CLIC5: variants seen among roughly 807,000 people sequenced by gnomAD.
The protein encoded by CLIC5 is CLIC family member 5.
A neutral mutation model predicts 24.7 loss-of-function variants in CLIC5; 20 were observed. That is an observed-to-expected ratio of 0.81 (90% CI 0.57 to 1.18). CLIC5 has a LOEUF of 1.18. CLIC5 is among the 50% of genes most tolerant of loss of function. The pLI is 0.00. For synonymous variants in CLIC5, 159 were observed against 135.6 expected (o/e 1.17, Z -1.20); for missense variants, 341 against 326.1 (o/e 1.05, Z -0.35).
intron 1 of CLIC5, among the ~76,000 whole-genome samples, chr6:45,963,477 C>A (rs1764919117): frequency 6.6e-6 from 1 of 152,118 alleles, no homozygotes; most frequent in African/African-American, 2.4e-5. Context: ...CCTGTGGACC[C>A]CTTATTTTTC....
rs1466339398 is a variant in CLIC5, at chr6:45,900,843, C to T, written c.*2245G>A. The T allele has an allele frequency of 6.6e-6, 1 of 152,128 alleles. No individual in the cohort carries two copies. Among genetic ancestry groups the T allele is most frequent in the Non-Finnish European group, 1.5e-5 (1 of 68,020 alleles). The allele number at this position is 152,128 out of a possible 1,614,324, so 9.4% of individuals were successfully genotyped here. A position where few individuals can be genotyped will look rare whatever the true frequency, so the allele number is the denominator to read the frequency against. On this transcript the variant is annotated 3_prime_UTR_variant, in exon 6 of 6. Transcript: ENST00000339561. The stretch of plus-strand genomic sequence containing the variant: ...AAACAGCAATATTGATTTGGTTTGG[C>T]CTGTTTGTTTTTAAGGACTTTCCAG...
intron 5 of CLIC5, among the ~76,000 whole-genome samples, chr6:45,907,950 G>A (rs889469202): frequency 2.0e-5 from 3 of 152,086 alleles, no homozygotes; most frequent in Non-Finnish European, 4.4e-5. Flanking sequence ...ATGTTGAATA[G>A]GAGCGGTGAG....
chr6:45,881,538 C>A (rs922560506), intron 6 of CLIC5, among the ~76,000 whole-genome samples: 3 of 152,120 alleles, frequency 2.0e-5, no homozygotes, highest in Admixed American at 6.5e-5. Context: ...GGTTCTGTAC[C>A]AATAGAAGGC....
chr6:45,900,323 T>C lies in CLIC5; in HGVS notation c.*2765A>G, dbSNP rs924688633. ...GCCACCAAAATGCTTTCTGAGCGAT[T>C]TGTATTCATTCAGGACCAATGAAAA... On this transcript the variant is annotated 3_prime_UTR_variant, in exon 6 of 6. Transcript: ENST00000339561. The C allele has an allele frequency of 3.3e-5, 5 of 152,156 alleles. No individual in the cohort carries two copies. The highest frequency in any genetic ancestry group is 1.2e-4 in the African/African-American group (5 of 41,404). 9.4% of individuals were successfully genotyped at this position (152,156 alleles called of 1,614,324 possible). A position where few individuals can be genotyped will look rare whatever the true frequency, so the allele number is the denominator to read the frequency against.
rs1055355937 is a variant in CLIC5, at chr6:45,901,182, G to A, written c.*1906C>T. 6.6e-6 allele frequency: 1 copy of A among 152,154 alleles called. No homozygotes were observed. 9.4% of individuals were successfully genotyped at this position (152,154 alleles called of 1,614,324 possible). On this transcript the variant is annotated 3_prime_UTR_variant, in exon 6 of 6. Coordinates refer to ENST00000339561, the MANE Select transcript of CLIC5 (RefSeq NM_016929.5). ...GGGGCTTTTCCCTACAGTAAAAAAG[G>A]ACTCTTTCCTCACCAGTTCTCCTTG...
At chr6:45,973,495 G>A (rs185254508) in intron 1 of CLIC5, among the ~76,000 whole-genome samples, 137 of 150,912 alleles carry the variant, frequency 9.1e-4, no homozygotes, top group African/African-American at 3.0e-3. Context: ...GTTTTTTTGT[G>A]GGTGTTTTTG....
chr6:45,953,154 C>T (rs987211716), intron 2 of CLIC5, among the ~76,000 whole-genome samples: 7 of 152,012 alleles, frequency 4.6e-5, no homozygotes, highest in Admixed American at 6.6e-5. Flanking sequence ...GCATCTTGGG[C>T]GAGTCTCATA....
intron 4 of CLIC5, among the ~76,000 whole-genome samples, chr6:45,939,886 CACTA>C (rs1481130402): frequency 2.6e-5 from 4 of 151,202 alleles, no homozygotes; most frequent in Non-Finnish European, 5.9e-5. Flanking sequence ...TCTGGGGGGA[CACTA>C]CTCAACACAC....
intron 1 of CLIC5, among the ~76,000 whole-genome samples, chr6:46,051,591 G>A (rs949544697): frequency 6.6e-6 from 1 of 152,082 alleles, no homozygotes. Context: ...TAGGATGACT[G>A]GGCAACCAGC....
chr6:46,021,698 T>C (rs1767188841), intron 1 of CLIC5, among the ~76,000 whole-genome samples: 1 of 152,242 alleles, frequency 6.6e-6, no homozygotes, highest in Admixed American at 6.5e-5. Flanking sequence ...GGTTACTTAC[T>C]GTATGGTTTC....
the CLIC5 span, among the ~76,000 whole-genome samples, chr6:46,087,413 G>A: frequency 6.6e-6 from 1 of 152,252 alleles, no homozygotes; most frequent in East Asian, 1.9e-4. Context: ...CAATATGATA[G>A]GATGAACTAA....
intron 1 of CLIC5, among the ~76,000 whole-genome samples, chr6:46,066,097 C>T (rs1459615667): frequency 6.6e-6 from 1 of 152,056 alleles, no homozygotes; most frequent in Non-Finnish European, 1.5e-5. Flanking sequence ...GAAGGGACTG[C>T]CTCTGAAAAT....
downstream of CLIC5, chr6:45,880,980 A>G: frequency 2.5e-6 from 1 of 394,362 alleles, no homozygotes. Flanking sequence ...GAATGGGGGG[A>G]CGGGTGCAGG....
chr6:45,914,190 C>G, intron 5 of CLIC5, 38 bp downstream of exon 5: 2 of 1,474,110 alleles, frequency 1.4e-6, no homozygotes, highest in South Asian at 2.9e-5. Flanking sequence ...TAAGATGGAG[C>G]TGGATCTTGC....
At chr6:45,881,101 T>A (rs941029577) in exon 7 of CLIC5, 3 of 398,250 alleles carry the variant, frequency 7.5e-6, no homozygotes, top group African/African-American at 4.1e-5. Flanking sequence ...AAGAATCCCA[T>A]TTTTTTCTTC....
chr6:45,977,059 G>T (rs1306294089), intron 1 of CLIC5, among the ~76,000 whole-genome samples: 2 of 151,938 alleles, frequency 1.3e-5, no homozygotes, highest in Non-Finnish European at 2.9e-5. Context: ...GCAAGAAAGT[G>T]GTGTTTAAAC....
chr6:46,007,715 T>C (rs1358140341), intron 1 of CLIC5, among the ~76,000 whole-genome samples: 3 of 152,160 alleles, frequency 2.0e-5, no homozygotes, highest in African/African-American at 7.2e-5. Context: ...TGGGAACTTA[T>C]CTCATCAGAG....
chr6:45,890,567 T>C (rs1033582898), intron 6 of CLIC5, among the ~76,000 whole-genome samples: 1 of 152,188 alleles, frequency 6.6e-6, no homozygotes, highest in African/African-American at 2.4e-5. Flanking sequence ...ACTGTGTATA[T>C]ACCCAAAGGA....
At chr6:46,048,044 CT>C (rs1245389691) in intron 1 of CLIC5, among the ~76,000 whole-genome samples, 1 of 150,944 alleles carries the variant, frequency 6.6e-6, no homozygotes, top group African/African-American at 2.4e-5. Flanking sequence ...ACTCTGTCCC[CT>C]AGGCTGGAGT....
Sources: gnomAD v4.1 joint callset for allele counts (sites outside exome capture counted in the v4.1 genomes callset) on GRCh38, gnomAD v4.1.1 for gene constraint, MANE v1.5 for transcripts, NCBI Gene and HGNC (gene_info 2026-07-23, HGNC 2026-07-21) for gene names.